MIAT: variants seen among roughly 807,000 people sequenced by gnomAD.
MIAT encodes myocardial infarction associated transcript, also known as MI related novel mRNA.
chr22:26,667,733 C>T (rs1001250449), intron 5 of MIAT: 2 of 171,028 alleles, frequency 1.2e-5, no homozygotes, highest in Non-Finnish European at 2.5e-5. Flanking sequence ...GGCTAGAGTA[C>T]AGTGTTATGA....
At chr22:26,651,271 A>G (rs1209563450) in intron 2 of MIAT, among the ~76,000 whole-genome samples, 1 of 152,212 alleles carries the variant, frequency 6.6e-6, no homozygotes, top group Non-Finnish European at 1.5e-5. Flanking sequence ...GGGTAAAACC[A>G]GGAGCTGTTT....
intron 2 of MIAT, among the ~76,000 whole-genome samples, chr22:26,652,056 C>T (rs1433482718): frequency 1.3e-5 from 2 of 152,000 alleles, no homozygotes; most frequent in Admixed American, 1.3e-4. Context: ...TGCAGTGGTG[C>T]AATCAGAGCT....
At chr22:26,650,475 G>C (rs562217857) in intron 2 of MIAT, 3 of 152,350 alleles carry the variant, frequency 2.0e-5, no homozygotes, top group South Asian at 4.1e-4. Context: ...CCTTACCAAG[G>C]CTTCCTGGTA....
chr22:26,673,390 C>A (rs751733936), downstream of MIAT: 1 of 399,086 alleles, frequency 2.5e-6, no homozygotes. Flanking sequence ...CTAATCCCTG[C>A]CTCACCCTGA....
At chr22:26,670,866 A>C, downstream of MIAT, 1 of 398,508 alleles carries the variant, frequency 2.5e-6, no homozygotes. Flanking sequence ...ATTAGGGTAC[A>C]CTTAGGTGCT....
intron 2 of MIAT, among the ~76,000 whole-genome samples, chr22:26,655,238 T>C (rs76009721): frequency 1.4e-4 from 21 of 152,148 alleles, no homozygotes; most frequent in African/African-American, 5.1e-4. Flanking sequence ...GCTGGGCACA[T>C]TGGAAATGTT....
chr22:26,652,569 G>T (rs945321539), intron 2 of MIAT, among the ~76,000 whole-genome samples: 2 of 152,048 alleles, frequency 1.3e-5, no homozygotes, highest in African/African-American at 4.8e-5. Flanking sequence ...TGCTGGTCAG[G>T]CTGGTCTCAA....
At chr22:26,668,523 C>A (rs532340831) in exon 6 of MIAT, 1 of 399,128 alleles carries the variant, frequency 2.5e-6, no homozygotes, top group Non-Finnish European at 4.4e-6. Flanking sequence ...TTCCTCCTCG[C>A]GTTTCTGCCG....
chr22:26,672,465 C>T, downstream of MIAT: 1 of 399,444 alleles, frequency 2.5e-6, no homozygotes, highest in Non-Finnish European at 4.4e-6. Context: ...TGACATCTCT[C>T]CTATGTGCAG....
chr22:26,669,461 TGAGCAGG>T, exon 6 of MIAT: 2 of 398,178 alleles, frequency 5.0e-6, no homozygotes, highest in Non-Finnish European at 4.4e-6. Context: ...ACAGAGAGCA[TGAGCAGG>T]CTCTGGTGTC....
intron 4 of MIAT, chr22:26,667,093 G>A: frequency 7.5e-6 from 3 of 397,926 alleles, no homozygotes; most frequent in Middle Eastern, 6.3e-4. Flanking sequence ...TGGAATGCTT[G>A]CTCTGTGTGG....
intron 2 of MIAT, among the ~76,000 whole-genome samples, chr22:26,655,259 G>C (rs941089151): frequency 3.3e-5 from 5 of 152,182 alleles, no homozygotes; most frequent in African/African-American, 9.7e-5. Flanking sequence ...TTATAGGTTT[G>C]TTGAATTGGG....
chr22:26,656,691 TC>T (rs1930466847), intron 2 of MIAT, among the ~76,000 whole-genome samples: 1 of 152,154 alleles, frequency 6.6e-6, no homozygotes, highest in African/African-American at 2.4e-5. Flanking sequence ...CAGGACCACT[TC>T]CTAGCATCCC....
At chr22:26,670,647 C>T (rs1013117145), downstream of MIAT, 12 of 383,264 alleles carry the variant, frequency 3.1e-5, no homozygotes, top group South Asian at 2.8e-4. Context: ...ATTCAAATTC[C>T]GCTGCACTAC....
At chr22:26,646,725 A>G in exon 1 of MIAT, 2 of 398,670 alleles carry the variant, frequency 5.0e-6, no homozygotes, top group East Asian at 7.1e-5. Flanking sequence ...AACCTGAAAC[A>G]CAGTAAATGC....
chr22:26,672,851 C>T (rs1032224127), downstream of MIAT: 1 of 398,466 alleles, frequency 2.5e-6, no homozygotes, highest in East Asian at 3.6e-5. Context: ...GCCAGAGAAA[C>T]ATTTCTCATA....
intron 2 of MIAT, among the ~76,000 whole-genome samples, chr22:26,662,197 T>C (rs553637036): frequency 6.6e-6 from 1 of 152,146 alleles, no homozygotes; most frequent in Admixed American, 6.6e-5. Context: ...CCTCAAGCAA[T>C]TCTCCTGCCT....
At chr22:26,671,820 G>A, downstream of MIAT, 1 of 398,080 alleles carries the variant, frequency 2.5e-6, no homozygotes, top group Non-Finnish European at 4.4e-6. Flanking sequence ...CTCAGCACAT[G>A]GCAGACACCT....
chr22:26,669,261 G>A lies in MIAT; in HGVS notation n.3366G>A, dbSNP rs35955962. ...GCGGAGTGGTGTGTACTATTCATCA[G>A]CTTGGGCTGCCACAGCACCATGCCA... On this transcript the variant is annotated non_coding_transcript_exon_variant, in exon 6 of 6. Transcript: ENST00000643270. 46,518 of 398,564 alleles carry A rather than the reference G, an allele frequency of 0.12. 2,944 individuals carry two copies. The highest frequency in any genetic ancestry group is 0.13 in the Non-Finnish European group (30,130 of 226,084). 24.7% of individuals were successfully genotyped at this position (398,564 alleles called of 1,614,324 possible). A position where few individuals can be genotyped will look rare whatever the true frequency, so the allele number is the denominator to read the frequency against.
Sources: allele counts gnomAD v4.1 joint callset (sites outside exome capture counted in the v4.1 genomes callset), GRCh38; gene constraint gnomAD v4.1.1; transcripts MANE v1.5; gene names NCBI Gene and HGNC (gene_info 2026-07-23, HGNC 2026-07-21).